Variants in ABCC3 observed in about 807,000 individuals in gnomAD.
The protein encoded by ABCC3 is ATP-binding cassette sub-family C member 3.
In ABCC3, 121 loss-of-function variants were observed where a neutral mutation model predicts 165.3. The observed-to-expected ratio is 0.73, with a 90% CI of 0.63 to 0.85. The LOEUF (loss-of-function observed/expected upper bound fraction) is 0.85, where lower values mean the gene tolerates loss of function less well. Among genes scored for constraint, ABCC3 ranks in the 40% least tolerant of loss-of-function variants. ABCC3 has a pLI of 0.00. For missense variants in ABCC3, 1,869 were observed against 1,964.1 expected, an observed-to-expected ratio of 0.95 and a Z score of 0.92; for synonymous variants, 733 against 810.1, an observed-to-expected ratio of 0.90 and a Z score of 1.62.
chr17:50,662,089 C>G (rs531395720), intron 8 of ABCC3: 1 of 152,484 alleles, frequency 6.6e-6, no homozygotes, highest in Non-Finnish European at 1.5e-5. Context: ...CTTCAAGGAT[C>G]TCCTGCCAGG....
chr17:50,671,718 T>TTTTC (rs1967651020), intron 17 of ABCC3, among the ~76,000 whole-genome samples: 2 of 135,626 alleles, frequency 1.5e-5, no homozygotes, highest in African/African-American at 5.4e-5. Flanking sequence ...TTTTTTTTTT[T>TTTTC]TTTTTTTTTT....
chr17:50,647,359 A>G (rs2146594738), intron 1 of ABCC3, among the ~76,000 whole-genome samples: 1 of 152,338 alleles, frequency 6.6e-6, no homozygotes, highest in East Asian at 1.9e-4. Flanking sequence ...GGCAAGGCCA[A>G]AGGAAGGGCT....
intron 2 of ABCC3, among the ~76,000 whole-genome samples, chr17:50,656,396 C>T (rs577582626): frequency 6.6e-6 from 1 of 152,200 alleles, no homozygotes; most frequent in Non-Finnish European, 1.5e-5. Context: ...TTTAATGAGG[C>T]CCTCTCCCAC....
chr17:50,673,296 C>A (rs960010667), intron 18 of ABCC3, 158 bp downstream of exon 18: 11 of 1,213,432 alleles, frequency 9.1e-6, no homozygotes, highest in Non-Finnish European at 1.1e-5. Context: ...GGGGACAACT[C>A]CCCCACCTGC....
At chr17:50,673,981 TC>T (rs1567835562) in intron 19 of ABCC3, among the ~76,000 whole-genome samples, 1,082 of 3,288 alleles carry the variant, frequency 0.33, 280 homozygotes, top group Non-Finnish European at 0.36. Flanking sequence ...TCTTTCTTTC[TC>T]TCTCTCTCTC....
intron 26 of ABCC3, 40 bp downstream of exon 26, chr17:50,679,939 G>A (rs986925324): frequency 1.3e-6 from 2 of 1,549,628 alleles, no homozygotes; most frequent in Admixed American, 3.4e-5. Flanking sequence ...GGAATCTGAA[G>A]TAGCTGGGGA....
In ABCC3 at chr17:50,634,881, C is replaced by G; in HGVS notation, c.-56C>G. The G allele has an allele frequency of 8.1e-7, 1 of 1,239,426 alleles. No individual in the cohort carries two copies. The highest frequency in any genetic ancestry group is 1.0e-6 in the Non-Finnish European group (1 of 990,974). 76.8% of individuals were successfully genotyped at this position (1,239,426 alleles called of 1,614,324 possible). On this transcript the variant is annotated 5_prime_UTR_variant, in exon 1 of 31. Transcript: ENST00000285238. Reference sequence around the variant, plus strand: ...GGCGGAGGCGGCTCCGGCGCCCGCTCTGCCCGCCGCTGGGTCCGACCGCGC... The same window carrying G: ...GGCGGAGGCGGCTCCGGCGCCCGCTGTGCCCGCCGCTGGGTCCGACCGCGC...
chr17:50,670,568 G>C (rs1465998347), intron 17 of ABCC3, among the ~76,000 whole-genome samples: 2 of 152,182 alleles, frequency 1.3e-5, no homozygotes, highest in Non-Finnish European at 2.9e-5. Context: ...GTGGCAGGAA[G>C]AGATAATAAG....
rs114962100 is a variant in ABCC3, at chr17:50,666,662, G to A, written c.1432-892G>A. 3.9e-3 allele frequency among the ~76,000 whole-genome samples: 587 copies of A among 152,294 alleles called. 4 individuals carry two copies. The highest frequency in any genetic ancestry group is 0.013 in the African/African-American group (556 of 41,558). The stretch of plus-strand genomic sequence containing the variant: ...TATTGTATGCCTCCCCCATCAGATC[G>A]TCAGCTGTATCATGGCAGGGGCCTT... On this transcript the variant is annotated intron_variant, in intron 11 of 30. Coordinates refer to ENST00000285238, the MANE Select transcript of ABCC3 (RefSeq NM_003786.4).
chr17:50,665,301 G>C (rs932896022), intron 11 of ABCC3, 56 bp downstream of exon 11: 11 of 1,557,480 alleles, frequency 7.1e-6, no homozygotes, highest in Non-Finnish European at 7.9e-6. Context: ...GGCTGCCTGG[G>C]GGAAGGTGTC....
chr17:50,677,653 G>A, intron 23 of ABCC3, 91 bp from the exon 24 acceptor site: 3 of 1,271,672 alleles, frequency 2.4e-6, no homozygotes, highest in South Asian at 1.3e-5. Context: ...TGGCTGGGAG[G>A]ACTCATCTGA....
chr17:50,664,172 A>G, intron 10 of ABCC3, 61 bp downstream of exon 10: 9 of 1,596,014 alleles, frequency 5.6e-6, no homozygotes, highest in Non-Finnish European at 7.7e-6. Context: ...GTGGCAAGAG[A>G]GGATTATTCT....
At chr17:50,658,682 G>A (rs1229179375) in intron 6 of ABCC3, 186 bp downstream of exon 6, 4 of 684,534 alleles carry the variant, frequency 5.8e-6, no homozygotes, top group Non-Finnish European at 1.0e-5. Context: ...CAGAGGCCTG[G>A]CCTGGCCCAG....
At chr17:50,672,648 T>C (rs1205577003) in intron 17 of ABCC3, among the ~76,000 whole-genome samples, 1 of 152,176 alleles carries the variant, frequency 6.6e-6, no homozygotes, top group African/African-American at 2.4e-5. Context: ...GCCAATTGCT[T>C]GAGCTCAGGA....
intron 17 of ABCC3, among the ~76,000 whole-genome samples, chr17:50,670,329 C>CA (rs1159309536): frequency 3.3e-5 from 5 of 152,142 alleles, no homozygotes; most frequent in Admixed American, 2.6e-4. Flanking sequence ...GTGATCCCCC[C>CA]GCCTCAGCCT....
At chr17:50,653,987 T>C (rs1320225321) in intron 1 of ABCC3, among the ~76,000 whole-genome samples, 2 of 152,220 alleles carry the variant, frequency 1.3e-5, no homozygotes, top group African/African-American at 4.8e-5. Flanking sequence ...ACTCTCATGT[T>C]AGGTTTGTTT....
At chr17:50,649,077 A>G (rs1262151384) in intron 1 of ABCC3, among the ~76,000 whole-genome samples, 1 of 147,592 alleles carries the variant, frequency 6.8e-6, no homozygotes, top group African/African-American at 2.5e-5. Context: ...GTACTACCAC[A>G]CTCCAGCCTG....
intron 30 of ABCC3, among the ~76,000 whole-genome samples, chr17:50,689,456 G>A (rs926414115): frequency 4.6e-5 from 7 of 152,192 alleles, no homozygotes; most frequent in African/African-American, 1.7e-4. Flanking sequence ...CTGGCAGGCT[G>A]TGCTCCCTAG....
chr17:50,643,892 T>A (rs1597838579), intron 1 of ABCC3, among the ~76,000 whole-genome samples: 1 of 152,114 alleles, frequency 6.6e-6, no homozygotes, highest in East Asian at 1.9e-4. Context: ...TGTGGCTTCA[T>A]GAGCAGCAGG....
Sources: gnomAD v4.1 joint callset for allele counts (sites outside exome capture counted in the v4.1 genomes callset) on GRCh38, gnomAD v4.1.1 for gene constraint, MANE v1.5 for transcripts, NCBI Gene and HGNC (gene_info 2026-07-23, HGNC 2026-07-21) for gene names.